Variants in LIN7A observed in about 807,000 individuals in gnomAD.
LIN7A encodes protein lin-7 homolog A.
In LIN7A, 25 loss-of-function variants were observed where a neutral mutation model predicts 29.8. That is an observed-to-expected ratio of 0.84 (90% CI 0.61 to 1.17). The LOEUF is 1.17. Ranked by LOEUF, LIN7A falls within the 50% of genes most tolerant of loss-of-function variation. The pLI, the probability that LIN7A is intolerant of heterozygous loss-of-function variation, is 0.00. For synonymous variants in LIN7A, 118 were observed against 107.5 expected, an observed-to-expected ratio of 1.10 and a Z score of -0.60; for missense variants, 239 against 287.0, an observed-to-expected ratio of 0.83 and a Z score of 1.21.
intron 2 of LIN7A, among the ~76,000 whole-genome samples, chr12:80,887,540 T>G (rs1391752628): frequency 6.6e-6 from 1 of 152,140 alleles, no homozygotes; most frequent in Non-Finnish European, 1.5e-5. Flanking sequence ...GTTTTTGCAC[T>G]TGTGATTTCT....
intron 1 of LIN7A, among the ~76,000 whole-genome samples, chr12:80,904,015 T>C (rs982681873): frequency 6.6e-6 from 1 of 152,094 alleles, no homozygotes; most frequent in Non-Finnish European, 1.5e-5. Flanking sequence ...TTTTCTGTGT[T>C]TATAACAATC....
intron 4 of LIN7A, among the ~76,000 whole-genome samples, chr12:80,829,165 T>C (rs879154012): frequency 1.3e-5 from 2 of 152,064 alleles, no homozygotes; most frequent in Admixed American, 1.3e-4. Context: ...GCAAAATAAG[T>C]CCCCCAAAAC....
At chr12:80,826,003 A>G (rs1872061132) in intron 4 of LIN7A, among the ~76,000 whole-genome samples, 1 of 152,232 alleles carries the variant, frequency 6.6e-6, no homozygotes, top group African/African-American at 2.4e-5. Flanking sequence ...GTAAAATGGC[A>G]TGGACATTTA....
intron 1 of LIN7A, among the ~76,000 whole-genome samples, chr12:80,898,551 G>A (rs938548424): frequency 1.3e-5 from 2 of 151,432 alleles, no homozygotes; most frequent in Non-Finnish European, 1.5e-5. Context: ...GAATATAATT[G>A]AATCTGTAAA....
chr12:80,806,602 C>T (rs1296725013), intron 5 of LIN7A, among the ~76,000 whole-genome samples: 2 of 152,092 alleles, frequency 1.3e-5, no homozygotes, highest in Non-Finnish European at 2.9e-5. Context: ...TAATATCAGA[C>T]AAGTATTTTG....
intron 2 of LIN7A, among the ~76,000 whole-genome samples, chr12:80,850,363 T>C (rs1873270237): frequency 6.6e-6 from 1 of 152,164 alleles, no homozygotes; most frequent in Non-Finnish European, 1.5e-5. Flanking sequence ...TTGCCATGTT[T>C]AGTATGTTTC....
intron 5 of LIN7A, among the ~76,000 whole-genome samples, chr12:80,798,512 A>T (rs1870563196): frequency 6.6e-6 from 1 of 152,042 alleles, no homozygotes; most frequent in African/African-American, 2.4e-5. Flanking sequence ...CCGTGCATAA[A>T]CCCATTGTGT....
chr12:80,831,534 ATT>A (rs1404857345), intron 4 of LIN7A, among the ~76,000 whole-genome samples: 1 of 152,246 alleles, frequency 6.6e-6, no homozygotes, highest in African/African-American at 2.4e-5. Flanking sequence ...GAGTAAACAA[ATT>A]TATTAGAGAC....
chr12:80,897,433 C>A (rs182018929), intron 1 of LIN7A, among the ~76,000 whole-genome samples: 1 of 152,134 alleles, frequency 6.6e-6, no homozygotes, highest in Non-Finnish European at 1.5e-5. Flanking sequence ...CTACTGCCTG[C>A]CCTTGTTAGG....
chr12:80,844,490 A>C (rs1162705390), intron 4 of LIN7A, among the ~76,000 whole-genome samples: 2 of 152,196 alleles, frequency 1.3e-5, no homozygotes, highest in African/African-American at 4.8e-5. Flanking sequence ...TCATGTTCCA[A>C]TTACATTTGA....
At chr12:80,907,426 C>A (rs1189229276) in intron 1 of LIN7A, among the ~76,000 whole-genome samples, 1 of 152,162 alleles carries the variant, frequency 6.6e-6, no homozygotes, top group Non-Finnish European at 1.5e-5. Context: ...TTGGAAAATG[C>A]ATTTTAACAT....
At chr12:80,849,613 G>A (rs1592892976) in intron 2 of LIN7A, among the ~76,000 whole-genome samples, 1 of 151,902 alleles carries the variant, frequency 6.6e-6, no homozygotes, top group South Asian at 2.1e-4. Context: ...AAGGTGATAA[G>A]GGCAAATACC....
chr12:80,820,630 T>TACACACACACACAC (rs3072333), intron 4 of LIN7A, among the ~76,000 whole-genome samples: 1,809 of 147,450 alleles, frequency 0.012, 20 homozygotes, highest in African/African-American at 0.018. Context: ...GAAGATTAAA[T>TACACACACACACAC]ACACACACAC....
chr12:80,875,609 T>C (rs1226251157), intron 2 of LIN7A, among the ~76,000 whole-genome samples: 3 of 152,222 alleles, frequency 2.0e-5, no homozygotes, highest in African/African-American at 7.2e-5. Flanking sequence ...TTGTCTGCGA[T>C]TTCTATGAGC....
Position 80,808,764 on chromosome 12 carries a change from C to T in LIN7A, c.*2701G>A, listed in dbSNP as rs886075174. The stretch of plus-strand genomic sequence containing the variant: ...TCGTGATCCACCTGCCTCGGCCTCC[C>T]AAAGTGCTGGGATTACAGGCGTGAG... On this transcript the variant is annotated intron_variant, in intron 5 of 5. Coordinates refer to ENST00000552864, the MANE Select transcript of LIN7A (RefSeq NM_004664.4). 6.6e-5 allele frequency among the ~76,000 whole-genome samples: 10 copies of T among 152,120 alleles called. 1 individual carries two copies. The highest frequency in any genetic ancestry group is 6.5e-4 in the Admixed American group (10 of 15,280).
rs1276967958 is a variant in LIN7A, at chr12:80,794,275, G to A, written c.*3452C>T. On this transcript the variant is annotated 3_prime_UTR_variant, in exon 6 of 6. Coordinates refer to ENST00000552864, the MANE Select transcript of LIN7A (RefSeq NM_004664.4). ...AGGCAGTCACAGCCCTTTCTCTATA[G>A]TTTTCCAGCTAGAGAGGGATGAGAT... The A allele has an allele frequency of 6.6e-6, 1 of 152,112 alleles. No individual in the cohort carries two copies. Among genetic ancestry groups the A allele is most frequent in the African/African-American group, 2.4e-5 (1 of 41,432 alleles). The allele number at this position is 152,112 out of a possible 1,614,324, so 9.4% of individuals were successfully genotyped here.
chr12:80,937,694 G>C lies in LIN7A; in HGVS notation c.29C>G (p.Pro10Arg), dbSNP rs547772079. Reference protein sequence around the residue: MLKPSVTSAPTADMATLTVV... With the variant: MLKPSVTSARTADMATLTVV... ...TGTCAATGTCGCCATGTCTGCCGTGGGAGCCGAAGTGACGCTCGGCTTCAG... is the reference window on the plus strand; with the variant it reads ...TGTCAATGTCGCCATGTCTGCCGTGCGAGCCGAAGTGACGCTCGGCTTCAG... The change falls in exon 1 of 6, where the codon CCC becomes CGC. Residue 10 changes from proline (P) to arginine (R), a missense_variant. Coordinates refer to ENST00000552864, the MANE Select transcript of LIN7A (RefSeq NM_004664.4). 6.4e-7 allele frequency: 1 copy of C among 1,557,256 alleles called. No homozygotes were observed. The highest frequency in any genetic ancestry group is 1.2e-5 in the South Asian group (1 of 84,700).
intron 2 of LIN7A, among the ~76,000 whole-genome samples, chr12:80,870,237 C>A (rs1353084711): frequency 2.6e-5 from 4 of 152,108 alleles, no homozygotes; most frequent in Admixed American, 2.6e-4. Flanking sequence ...AAAAGCTGGT[C>A]CTTCCTTAAA....
chr12:80,798,091 T>A (rs1219274637), intron 5 of LIN7A, among the ~76,000 whole-genome samples: 1 of 152,230 alleles, frequency 6.6e-6, no homozygotes, highest in Non-Finnish European at 1.5e-5. Context: ...GTAGTGCTTT[T>A]GTTGAGGTAG....
Sources: allele counts gnomAD v4.1 joint callset (sites outside exome capture counted in the v4.1 genomes callset), GRCh38; gene constraint gnomAD v4.1.1; transcripts MANE v1.5; gene names NCBI Gene and HGNC (gene_info 2026-07-23, HGNC 2026-07-21).